The following ATRNL1 variants were observed in gnomAD, a reference collection of about 807,000 sequenced individuals.
The protein encoded by ATRNL1 is attractin-like protein 1.
ATRNL1 carries 95 observed loss-of-function variants against 182.7 expected under a neutral mutation model. The observed-to-expected ratio is 0.52, with a 90% CI of 0.44 to 0.62. ATRNL1 has a LOEUF of 0.62. Among genes scored for constraint, ATRNL1 ranks in the 20% least tolerant of loss-of-function variants. The pLI is 0.00. For missense variants in ATRNL1, 1,471 were observed against 1,679.5 expected (o/e 0.88, Z 2.17); for synonymous variants, 576 against 568.3 (o/e 1.01, Z -0.19).
chr10:115,182,384 C>T (rs1336006046), intron 8 of ATRNL1, among the ~76,000 whole-genome samples: 1 of 151,338 alleles, frequency 6.6e-6, no homozygotes, highest in African/African-American at 2.4e-5. Context: ...AAGATATAAA[C>T]GTTCTTACCT....
At chr10:115,284,766 G>A (rs1852527666) in intron 14 of ATRNL1, among the ~76,000 whole-genome samples, 2 of 151,990 alleles carry the variant, frequency 1.3e-5, no homozygotes, top group African/African-American at 4.8e-5. Context: ...GAAGGTATGA[G>A]AATATAGCTG....
intron 26 of ATRNL1, among the ~76,000 whole-genome samples, chr10:115,722,315 A>G (rs1947454339): frequency 6.6e-6 from 1 of 152,206 alleles, no homozygotes; most frequent in Admixed American, 6.5e-5. Flanking sequence ...AACCACTCCC[A>G]TAATGACTAA....
Position 115,947,570 on chromosome 10 carries a change from T to C in ATRNL1, c.*2791T>C, listed in dbSNP as rs1953902996. 6.5e-6 allele frequency: 1 copy of C among 152,680 alleles called. No individual in the cohort carries two copies. Among genetic ancestry groups the C allele is most frequent in the African/African-American group, 2.4e-5 (1 of 41,472 alleles). The allele number at this position is 152,680 out of a possible 1,614,324, so 9.5% of individuals were successfully genotyped here. ...AGAGGATTAGGATTCTCATAATTCT[T>C]TAAATGAAAATTTGTTTTAGTGATA... On this transcript the variant is annotated 3_prime_UTR_variant, in exon 29 of 29. Transcript: ENST00000355044.
chr10:115,530,567 G>T (rs527656126), intron 25 of ATRNL1, among the ~76,000 whole-genome samples: 1 of 152,258 alleles, frequency 6.6e-6, no homozygotes, highest in East Asian at 1.9e-4. Context: ...AAGCAAGCAT[G>T]CAAGTGAGCA....
At chr10:115,462,965 G>A (rs1199682106) in intron 22 of ATRNL1, among the ~76,000 whole-genome samples, 1 of 151,496 alleles carries the variant, frequency 6.6e-6, no homozygotes, top group Non-Finnish European at 1.5e-5. Context: ...GGGTTTATTC[G>A]GGTTGAATTT....
intron 9 of ATRNL1, among the ~76,000 whole-genome samples, chr10:115,237,873 T>C (rs959803759): frequency 2.6e-5 from 4 of 152,242 alleles, no homozygotes; most frequent in African/African-American, 9.6e-5. Context: ...ATTTTACATT[T>C]AGCTCTGCGA....
rs560490518 is a variant in ATRNL1, at chr10:115,536,001, C to T, written c.3717-13457C>T. ...CTCAGAGGATTACCTGGCTGTGTGA[C>T]GTGTCAGTCTGCCCCTACTGGGGGG... On this transcript the variant is annotated intron_variant, in intron 25 of 28. Coordinates refer to ENST00000355044, the MANE Select transcript of ATRNL1 (RefSeq NM_207303.4). 3.7e-4 allele frequency among the ~76,000 whole-genome samples: 55 copies of T among 148,982 alleles called. 1 individual carries two copies. Among genetic ancestry groups the T allele is most frequent in the African/African-American group, 1.3e-3 (52 of 39,408 alleles).
rs552881897 is a variant in ATRNL1, at chr10:115,142,641, T to A, written c.829+13106T>A. Among the ~76,000 whole-genome samples, 3 of 152,342 alleles carry A rather than the reference T, an allele frequency of 2.0e-5. No individual in the cohort carries two copies. The South Asian group carries it at 6.2e-4, about 32-fold the overall frequency. ...ATTAGTATTATGTGGCTTAGTTTTA[T>A]AAAGCTCCTATTGGTTTCCACCTGA... is the stretch of plus-strand genomic sequence containing the variant. On this transcript the variant is annotated intron_variant, in intron 5 of 28. Transcript: ENST00000355044.
chr10:115,791,791 A>G (rs1364310446), intron 27 of ATRNL1, among the ~76,000 whole-genome samples: 1 of 152,114 alleles, frequency 6.6e-6, no homozygotes, highest in Non-Finnish European at 1.5e-5. Context: ...ATTCTTCTCC[A>G]ATTCTCTTAA....
chr10:115,878,299 T>G (rs1036918642), intron 28 of ATRNL1, among the ~76,000 whole-genome samples: 1 of 152,198 alleles, frequency 6.6e-6, no homozygotes, highest in Non-Finnish European at 1.5e-5. Flanking sequence ...CTCATTACAA[T>G]GAAAGACATA....
At chr10:115,440,525 A>T (rs565559692) in intron 21 of ATRNL1, among the ~76,000 whole-genome samples, 1 of 152,010 alleles carries the variant, frequency 6.6e-6, no homozygotes, top group East Asian at 1.9e-4. Context: ...ATTCAAACTC[A>T]TTGAAATTTG....
chr10:115,239,612 C>T (rs1426480655), intron 9 of ATRNL1, among the ~76,000 whole-genome samples: 1 of 152,080 alleles, frequency 6.6e-6, no homozygotes, highest in Admixed American at 6.6e-5. Context: ...GGTGGGTGGG[C>T]TTAGTGGCCT....
chr10:115,525,072 T>C (rs1312247194), intron 25 of ATRNL1, among the ~76,000 whole-genome samples: 1 of 152,226 alleles, frequency 6.6e-6, no homozygotes, highest in Non-Finnish European at 1.5e-5. Context: ...CTCAGTCACC[T>C]GATTAGTTAA....
At chr10:115,500,898 A>G (rs7081356) in intron 24 of ATRNL1, among the ~76,000 whole-genome samples, 7,301 of 140,528 alleles carry the variant, frequency 0.052, 622 homozygotes, top group African/African-American at 0.18. Flanking sequence ...ACTTTGTTTC[A>G]TAGCAGAAAT....
chr10:115,649,770 T>C (rs1484246155), intron 26 of ATRNL1, among the ~76,000 whole-genome samples: 1 of 152,184 alleles, frequency 6.6e-6, no homozygotes, highest in Non-Finnish European at 1.5e-5. Context: ...ACTTCAGGAA[T>C]AAACTGTTGC....
rs1844757383 is a variant in ATRNL1 at position 115,121,961 on chromosome 10, C to T, written c.491+149C>T. 9.8e-6 allele frequency: 4 copies of T among 408,866 alleles called. No individual in the cohort carries two copies. In the East Asian group the frequency reaches 1.5e-4, roughly 15 times the overall value. The allele number at this position is 408,866 out of a possible 1,614,324, so 25.3% of individuals were successfully genotyped here. On this transcript the variant is annotated intron_variant, in intron 3 of 28. Coordinates refer to ENST00000355044, the MANE Select transcript of ATRNL1 (RefSeq NM_207303.4). ...TATAATACTTTGTTATGTGCTGTAA[C>T]TGTCAATTTAGGTAATAATTATGTA...
At chr10:115,402,458 G>C (rs1844613415) in intron 20 of ATRNL1, among the ~76,000 whole-genome samples, 1 of 152,042 alleles carries the variant, frequency 6.6e-6, no homozygotes, top group African/African-American at 2.4e-5. Context: ...ACAACCATGT[G>C]CCTTAAAAAT....
chr10:115,580,220 A>G (rs1345032796), intron 26 of ATRNL1, among the ~76,000 whole-genome samples: 1 of 151,982 alleles, frequency 6.6e-6, no homozygotes, highest in African/African-American at 2.4e-5. Context: ...GTGTTCATTC[A>G]TGTTGCTGTT....
intron 19 of ATRNL1, among the ~76,000 whole-genome samples, chr10:115,371,413 G>C (rs1592544328): frequency 6.6e-6 from 1 of 152,224 alleles, no homozygotes; most frequent in East Asian, 1.9e-4. Flanking sequence ...GCTGTACCCT[G>C]TAAAGCCACA....
Sources: gnomAD v4.1 joint callset for allele counts (sites outside exome capture counted in the v4.1 genomes callset) on GRCh38, gnomAD v4.1.1 for gene constraint, MANE v1.5 for transcripts, NCBI Gene and HGNC (gene_info 2026-07-23, HGNC 2026-07-21) for gene names.